Variants in GRM7 observed in about 807,000 individuals in gnomAD.
The protein encoded by GRM7 is metabotropic glutamate receptor 7.
In GRM7, 35 loss-of-function variants were observed where a neutral mutation model predicts 84.5. The ratio of observed to expected loss-of-function variants is 0.41; its 90% CI spans 0.32 to 0.55. The LOEUF (loss-of-function observed/expected upper bound fraction) is 0.55, where lower values mean the gene tolerates loss of function less well. Among genes scored for constraint, GRM7 ranks in the 20% least tolerant of loss-of-function variants. GRM7 has a pLI of 0.19. For missense variants in GRM7, 1,003 were observed against 1,194.6 expected, an observed-to-expected ratio of 0.84 and a Z score of 2.36; for synonymous variants, 487 against 455.1, an observed-to-expected ratio of 1.07 and a Z score of -0.89.
chr3:7,546,128 G>T lies in GRM7; in HGVS notation c.1516-32294G>T, dbSNP rs912745744. ...ATTACTTTTAATTCATATGCAAGGA[G>T]TCTAAATTCAGAAAACGGTAAAATG... On this transcript the variant is annotated intron_variant, in intron 7 of 9. Transcript: ENST00000357716. Among the ~76,000 whole-genome samples the T allele has an allele frequency of 3.3e-5, 5 of 152,190 alleles. No individual in the cohort carries two copies. In the East Asian group the frequency reaches 9.7e-4, roughly 29 times the overall value.
chr3:7,413,785 T>C (rs1489820210), intron 4 of GRM7, among the ~76,000 whole-genome samples: 2 of 152,184 alleles, frequency 1.3e-5, no homozygotes, highest in East Asian at 3.9e-4. Context: ...AAGAGCTTCA[T>C]AGCAGTAGTT....
chr3:7,300,661 C>G (rs1022733941), intron 3 of GRM7, among the ~76,000 whole-genome samples: 8 of 152,128 alleles, frequency 5.3e-5, no homozygotes, highest in Non-Finnish European at 1.2e-4. Flanking sequence ...TTCTTTCCCC[C>G]TCCCTGGCCC....
chr3:6,988,058 G>A (rs1694488612), intron 1 of GRM7, among the ~76,000 whole-genome samples: 4 of 146,676 alleles, frequency 2.7e-5, no homozygotes, highest in South Asian at 2.2e-4. Context: ...GTGCAGTGGC[G>A]CGAACTCGGC....
At chr3:6,896,847 A>G (rs1696200726) in intron 1 of GRM7, among the ~76,000 whole-genome samples, 1 of 152,024 alleles carries the variant, frequency 6.6e-6, no homozygotes, top group African/African-American at 2.4e-5. Flanking sequence ...GATTGCATTT[A>G]TTACTTCCTC....
At chr3:6,950,526 C>T (rs907965577) in intron 1 of GRM7, among the ~76,000 whole-genome samples, 1 of 152,246 alleles carries the variant, frequency 6.6e-6, no homozygotes, top group African/African-American at 2.4e-5. Flanking sequence ...AGGAGCCAGT[C>T]TGCCCGTTCT....
At chr3:7,292,175 TTC>T (rs1474991570) in intron 2 of GRM7, among the ~76,000 whole-genome samples, 1 of 152,178 alleles carries the variant, frequency 6.6e-6, no homozygotes, top group Non-Finnish European at 1.5e-5. Context: ...GACAGTCTTA[TTC>T]ACAATGACCT....
intron 2 of GRM7, among the ~76,000 whole-genome samples, chr3:7,291,616 G>A (rs1394383032): frequency 6.6e-6 from 1 of 151,032 alleles, no homozygotes; most frequent in East Asian, 2.0e-4. Flanking sequence ...TGACTTCAGG[G>A]GATTTCTGCC....
intron 8 of GRM7, among the ~76,000 whole-genome samples, chr3:7,614,542 T>A (rs2125082566): frequency 6.6e-6 from 1 of 152,350 alleles, no homozygotes; most frequent in South Asian, 2.1e-4. Flanking sequence ...TAGTTGGGTT[T>A]GATTTTATAA....
At chr3:7,719,096 C>T (rs1299640401) in intron 9 of GRM7, among the ~76,000 whole-genome samples, 1 of 151,924 alleles carries the variant, frequency 6.6e-6, no homozygotes, top group African/African-American at 2.4e-5. Context: ...GGTGACAGAC[C>T]CAAGGGTATG....
intron 7 of GRM7, among the ~76,000 whole-genome samples, chr3:7,496,627 A>G (rs982896053): frequency 2.0e-5 from 3 of 152,160 alleles, no homozygotes; most frequent in Non-Finnish European, 4.4e-5. Context: ...ATGGAAGTAG[A>G]TTAACATGGA....
chr3:7,179,554 G>C (rs147322605), intron 2 of GRM7, among the ~76,000 whole-genome samples: 2 of 152,148 alleles, frequency 1.3e-5, no homozygotes, highest in African/African-American at 2.4e-5. Flanking sequence ...CCGCATATGC[G>C]TACCTTAAAA....
intron 1 of GRM7, among the ~76,000 whole-genome samples, chr3:6,997,084 G>T (rs1466379754): frequency 6.6e-6 from 1 of 152,118 alleles, no homozygotes; most frequent in Non-Finnish European, 1.5e-5. Flanking sequence ...CTCTGTGAGA[G>T]AAGATAAACA....
chr3:7,178,454 C>T (rs543239416), intron 2 of GRM7, among the ~76,000 whole-genome samples: 1 of 152,062 alleles, frequency 6.6e-6, no homozygotes, highest in African/African-American at 2.4e-5. Flanking sequence ...CATGTAGATC[C>T]CTATCAATGC....
intron 1 of GRM7, among the ~76,000 whole-genome samples, chr3:7,075,791 G>C (rs931353734): frequency 6.6e-6 from 1 of 152,128 alleles, no homozygotes; most frequent in Admixed American, 6.5e-5. Flanking sequence ...CTGCCAAAGT[G>C]CTGGGATTAC....
intron 7 of GRM7, among the ~76,000 whole-genome samples, chr3:7,546,447 A>C (rs1693154871): frequency 6.6e-6 from 1 of 152,226 alleles, no homozygotes; most frequent in South Asian, 2.1e-4. Flanking sequence ...GAATAATTCA[A>C]GTCTTCATAT....
At position 7,602,197 on chromosome 3, in the gene GRM7, T is replaced by C. The variant is rs80353144; in HGVS notation, c.2451+22840T>C. ...ATGATGCTTATGAGCAGCCCTGGCT[T>C]TGGTGCCCTTGGAATGGAATTGCAC... On this transcript the variant is annotated intron_variant, in intron 8 of 9. Transcript: ENST00000357716. Among the ~76,000 whole-genome samples, 431 of 152,090 alleles carry C rather than the reference T, an allele frequency of 2.8e-3. 5 individuals carry two copies. Among genetic ancestry groups the C allele is most frequent in the East Asian group, 0.021 (107 of 5,172 alleles).
At chr3:6,890,258 C>T (rs1460433765) in intron 1 of GRM7, among the ~76,000 whole-genome samples, 6 of 151,868 alleles carry the variant, frequency 4.0e-5, no homozygotes, top group South Asian at 2.1e-4. Flanking sequence ...TTTAGTTATT[C>T]CTTGCCTTCT....
Position 7,280,071 on chromosome 3 carries a change from C to G in GRM7, c.737-18613C>G, listed in dbSNP as rs147305298. ...TTACTATCAGAAACAGGCATATTTGCTTTGTTAAAATTAAAGTGAAATTAC... is the reference window on the plus strand; with the variant it reads ...TTACTATCAGAAACAGGCATATTTGGTTTGTTAAAATTAAAGTGAAATTAC... On this transcript the variant is annotated intron_variant, in intron 2 of 9. Coordinates refer to ENST00000357716, the MANE Select transcript of GRM7 (RefSeq NM_000844.4). 4.1e-3 allele frequency among the ~76,000 whole-genome samples: 625 copies of G among 152,204 alleles called. 1 individual carries two copies. Among genetic ancestry groups the G allele is most frequent in the African/African-American group, 0.014 (577 of 41,534 alleles).
intron 2 of GRM7, among the ~76,000 whole-genome samples, chr3:7,192,389 A>G (rs1695738529): frequency 6.6e-6 from 1 of 152,082 alleles, no homozygotes; most frequent in African/African-American, 2.4e-5. Context: ...CCAATTCTCC[A>G]AGATATGTAT....
Sources: allele counts gnomAD v4.1 joint callset (sites outside exome capture counted in the v4.1 genomes callset), GRCh38; gene constraint gnomAD v4.1.1; transcripts MANE v1.5; gene names NCBI Gene and HGNC (gene_info 2026-07-23, HGNC 2026-07-21).